Variants in MRPL21 observed in about 807,000 individuals in gnomAD.
MRPL21 encodes large ribosomal subunit protein bL21m.
Under a neutral mutation model 27.3 loss-of-function variants are expected in MRPL21, and 20 were observed. The ratio of observed to expected loss-of-function variants is 0.73; its 90% CI spans 0.52 to 1.06. The LOEUF is 1.06. MRPL21 is among the 50% of genes least tolerant of loss of function. The probability of loss-of-function intolerance (pLI) is 0.00; values close to 1 mark genes in which losing one functional copy is unlikely to be tolerated. For synonymous variants in MRPL21, 98 were observed against 101.5 expected (o/e 0.97, Z 0.21); for missense variants, 249 against 251.4 (o/e 0.99, Z 0.06).
At chr11:68,898,092 A>T in intron 2 of MRPL21, 80 bp from the exon 3 acceptor site, 1 of 1,165,692 alleles carries the variant, frequency 8.6e-7, no homozygotes, top group East Asian at 2.4e-5. Context: ...GCCACACACA[A>T]ATGTTAGGAA....
intron 4 of MRPL21, among the ~76,000 whole-genome samples, chr11:68,894,291 C>T (rs1185881219): frequency 6.6e-6 from 1 of 152,102 alleles, no homozygotes; most frequent in Admixed American, 6.6e-5. Context: ...GTTCTTTCTT[C>T]TTTTTGTGAC....
chr11:68,891,433 T>TCAGG, intron 6 of MRPL21, 38 bp from the exon 7 acceptor site: 1 of 1,605,124 alleles, frequency 6.2e-7, no homozygotes, highest in Non-Finnish European at 8.5e-7. Flanking sequence ...CCACAGACCC[T>TCAGG]GACTGTTGTC....
At chr11:68,893,589 C>T in intron 4 of MRPL21, 134 bp from the exon 5 acceptor site, 1 of 1,184,954 alleles carries the variant, frequency 8.4e-7, no homozygotes, top group South Asian at 1.4e-5. Context: ...ATTTCATCTG[C>T]TGTCTAATGA....
At chr11:68,893,935 G>A (rs1305195448) in intron 4 of MRPL21, among the ~76,000 whole-genome samples, 1 of 152,094 alleles carries the variant, frequency 6.6e-6, no homozygotes, top group East Asian at 1.9e-4. Context: ...TTAGCTGGGC[G>A]TGGCGGCATG....
chr11:68,893,049 T>G, intron 5 of MRPL21, 56 bp from the exon 6 acceptor site: 14 of 1,475,894 alleles, frequency 9.5e-6, no homozygotes, highest in Non-Finnish European at 1.3e-5. Flanking sequence ...TTCAAATGCC[T>G]TAGGTGAGAA....
At position 68,891,375 on chromosome 11, in the gene MRPL21, C is replaced by T; in HGVS notation, c.574G>A (p.Val192Ile). 1 of 1,614,068 alleles carries T rather than the reference C, an allele frequency of 6.2e-7. No individual in the cohort carries two copies. The highest frequency in any genetic ancestry group is 8.5e-7 in the Non-Finnish European group (1 of 1,180,024). ...ATCTCAATGCTGTTTATCCGGAGGA[C>T]AGTCTGCGGGGTCGTGACGACTGAA... ...KKRIVTTPQT[V>I]LRINSIEIAP... The change falls in exon 7 of 7, where the codon GTC (valine) becomes ATC (isoleucine). Residue 192 changes from valine (V) to isoleucine (I), a missense_variant. Physicochemically the swap from Val to Ile is conservative, Grantham distance 29. Coordinates refer to ENST00000362034, the MANE Select transcript of MRPL21 (RefSeq NM_181514.2).
At chr11:68,898,709 T>G (rs186142630) in intron 2 of MRPL21, among the ~76,000 whole-genome samples, 56 of 152,166 alleles carry the variant, frequency 3.7e-4, no homozygotes, top group African/African-American at 1.2e-3. Flanking sequence ...GTGTTAGGAG[T>G]GCTCAGTCTC....
intron 6 of MRPL21, chr11:68,891,950 A>T: frequency 3.1e-6 from 2 of 644,160 alleles, no homozygotes; most frequent in Non-Finnish European, 4.7e-6. Flanking sequence ...GGATGTCCTC[A>T]GTGCAGACCT....
At chr11:68,895,062 C>T (rs189265238) in intron 4 of MRPL21, among the ~76,000 whole-genome samples, 5 of 152,178 alleles carry the variant, frequency 3.3e-5, no homozygotes, top group Non-Finnish European at 5.9e-5. Context: ...GTTGGGAGTT[C>T]AAGACCAGCC....
rs1266013993 is a variant in MRPL21, at chr11:68,903,773, A to G, written c.38T>C (p.Leu13Pro). The change falls in exon 1 of 7, where the codon CTG becomes CCG. Residue 13 changes from leucine (L) to proline (P), a missense_variant. Transcript: ENST00000362034. ...GATGCTGTGGCTGCACGCGGACGCC[A>G]GCCGCCCTAAGGTGACCGTCAGGGA... ...ASSLTVTLGR[L>P]ASACSHSILR... 6.2e-7 allele frequency: 1 copy of G among 1,613,070 alleles called. No homozygotes were observed. Among genetic ancestry groups the G allele is most frequent in the Non-Finnish European group, 8.5e-7 (1 of 1,180,018 alleles).
chr11:68,891,754 C>T (rs1857652046), intron 6 of MRPL21: 1 of 514,534 alleles, frequency 1.9e-6, no homozygotes, highest in Non-Finnish European at 3.5e-6. Flanking sequence ...AGAGGCTCCC[C>T]TACCCAGATG....
chr11:68,897,868 C>T lies in MRPL21; in HGVS notation c.232+59G>A, dbSNP rs1594406244. On this transcript the variant is annotated intron_variant, in intron 3 of 6. Transcript: ENST00000362034. ...TGTGGCCTGGTGACAACCTCTGTGG[C>T]TGACTGGAGCAGGGTCTAGGTGGTG... The T allele has an allele frequency of 6.7e-6, 9 of 1,334,884 alleles. No homozygotes were observed. In the East Asian group the frequency reaches 1.8e-4, roughly 27 times the overall value. The allele number at this position is 1,334,884 out of a possible 1,614,324, so 82.7% of individuals were successfully genotyped here.
At chr11:68,893,730 G>A (rs1258935032) in intron 4 of MRPL21, among the ~76,000 whole-genome samples, 1 of 152,204 alleles carries the variant, frequency 6.6e-6, no homozygotes, top group African/African-American at 2.4e-5. Context: ...CCATGGATAT[G>A]CATCCAGATA....
At position 68,894,050 on chromosome 11, in the gene MRPL21, A is replaced by C. The variant is rs560481379; in HGVS notation, c.397-595T>G. 1.4e-3 allele frequency among the ~76,000 whole-genome samples: 213 copies of C among 152,246 alleles called. 1 individual carries two copies. The highest frequency in any genetic ancestry group is 2.5e-3 in the Non-Finnish European group (168 of 68,008). ...CAAAGAAAACAAATAAACAAAAAAA[A>C]ACAAAACCCTTTCTATCAAAGCATA... On this transcript the variant is annotated intron_variant, in intron 4 of 6. Coordinates refer to ENST00000362034, the MANE Select transcript of MRPL21 (RefSeq NM_181514.2).
chr11:68,893,291 G>A (rs1857698703), intron 5 of MRPL21, 112 bp downstream of exon 5: 1 of 1,553,256 alleles, frequency 6.4e-7, no homozygotes, highest in Non-Finnish European at 8.7e-7. Context: ...TGTGTTTGGT[G>A]TCAACAAAGA....
intron 5 of MRPL21, 126 bp downstream of exon 5, chr11:68,893,277 A>G: frequency 6.6e-7 from 1 of 1,520,842 alleles, no homozygotes; most frequent in Non-Finnish European, 8.8e-7. Flanking sequence ...TTAAGTATAA[A>G]TGTTGTGTTT....
At chr11:68,891,902 G>T in intron 6 of MRPL21, 2 of 496,136 alleles carry the variant, frequency 4.0e-6, no homozygotes, top group Non-Finnish European at 6.8e-6. Context: ...TGTGGCCCAT[G>T]CCCCGTGGGT....
chr11:68,902,496 T>C (rs1270485369), intron 1 of MRPL21, among the ~76,000 whole-genome samples: 2 of 152,262 alleles, frequency 1.3e-5, no homozygotes, highest in African/African-American at 2.4e-5. Flanking sequence ...TAATAGACTT[T>C]ATTTTTTAGC....
At chr11:68,897,429 C>T (rs73522945) in intron 3 of MRPL21, among the ~76,000 whole-genome samples, 2,675 of 152,294 alleles carry the variant, frequency 0.018, 83 homozygotes, top group African/African-American at 0.06. Context: ...GAATCTCAAA[C>T]GGTATTTAAC....
Sources: allele counts gnomAD v4.1 joint callset (sites outside exome capture counted in the v4.1 genomes callset), GRCh38; gene constraint gnomAD v4.1.1; transcripts MANE v1.5; gene names NCBI Gene and HGNC (gene_info 2026-07-23, HGNC 2026-07-21).